Variants in ZNF121 observed in about 807,000 individuals in gnomAD.
ZNF121 encodes the protein zinc finger protein 121 (clone ZHC32).
ZNF121 carries 1 observed loss-of-function variant against 2.4 expected under a neutral mutation model. That is an observed-to-expected ratio of 0.41 (90% CI 0.15 to 1.94). The LOEUF (loss-of-function observed/expected upper bound fraction) is 1.94. ZNF121 is among the 30% of genes most tolerant of loss of function. The probability of loss-of-function intolerance (pLI) is 0.30; values close to 1 mark genes in which losing one functional copy is unlikely to be tolerated. For synonymous variants in ZNF121, 173 were observed against 158.6 expected, an observed-to-expected ratio of 1.09 and a Z score of -0.68; for missense variants, 369 against 466.3, an observed-to-expected ratio of 0.79 and a Z score of 1.92.
At position 9,565,924 on chromosome 19, in the gene ZNF121, C is replaced by T. The variant is rs756080364; in HGVS notation, c.*16G>A. 6.6e-7 allele frequency: 1 copy of T among 1,507,722 alleles called. No homozygotes were observed. The highest frequency in any genetic ancestry group is 8.9e-7 in the Non-Finnish European group (1 of 1,121,100). 93.4% of individuals were successfully genotyped at this position (1,507,722 alleles called of 1,614,324 possible). A position where few individuals can be genotyped will look rare whatever the true frequency, so the allele number is the denominator to read the frequency against. ...TCCTAAAAGATTTCCACATTCCTTA[C>T]ATTCAGAGTTTTTCTTCAGTGTGTT... is the stretch of plus-strand genomic sequence containing the variant. On this transcript the variant is annotated 3_prime_UTR_variant, in exon 4 of 4. Transcript: ENST00000320451.
intron 3 of ZNF121, 31 bp from the exon 4 acceptor site, chr19:9,567,140 G>T: frequency 1.3e-6 from 2 of 1,538,236 alleles, no homozygotes; most frequent in Non-Finnish European, 1.8e-6. Flanking sequence ...GATGATTAAA[G>T]GATTTTTCAG....
In ZNF121 at chr19:9,564,795, G is replaced by T. The variant is rs997002001; in HGVS notation, c.*1145C>A. 4 of 152,178 alleles carry T rather than the reference G, an allele frequency of 2.6e-5. No homozygotes were observed. The highest frequency in any genetic ancestry group is 4.8e-5 in the African/African-American group (2 of 41,432). 9.4% of individuals were successfully genotyped at this position (152,178 alleles called of 1,614,324 possible). A position where few individuals can be genotyped will look rare whatever the true frequency, so the allele number is the denominator to read the frequency against. ...GCGTAAAATGTTATCAAACAGCGTC[G>T]AATGCTAAAGAGAAGTTTTTCATGT... On this transcript the variant is annotated 3_prime_UTR_variant, in exon 4 of 4. Coordinates refer to ENST00000320451, the MANE Select transcript of ZNF121 (RefSeq NM_001008727.5).
chr19:9,571,827 CAACTTCA>C (rs1298377461), intron 1 of ZNF121, among the ~76,000 whole-genome samples: 3 of 152,290 alleles, frequency 2.0e-5, no homozygotes, highest in African/African-American at 7.2e-5. Flanking sequence ...TAGCTCACTA[CAACTTCA>C]AACTTCAAAC....
chr19:9,577,252 T>C (rs2074217055), intron 1 of ZNF121, among the ~76,000 whole-genome samples: 1 of 151,952 alleles, frequency 6.6e-6, no homozygotes, highest in Non-Finnish European at 1.5e-5. Context: ...GAGACCAGCC[T>C]GGCCAATATG....
At chr19:9,575,760 A>G (rs1249219089) in intron 1 of ZNF121, among the ~76,000 whole-genome samples, 1 of 150,348 alleles carries the variant, frequency 6.7e-6, no homozygotes, top group Non-Finnish European at 1.5e-5. Context: ...AAAAAAAAAG[A>G]AGGTCACTAT....
In ZNF121 at chr19:9,566,486, G is replaced by A. The variant is rs770457936; in HGVS notation, c.627C>T (p.Phe209=). The change falls in exon 4 of 4, where the codon TTC becomes TTT. Residue 209 remains phenylalanine (F), a synonymous_variant. Transcript: ENST00000320451. ...PYQCKECGRA[F]AGRSGLTKHV... ...GTTTAGTAAGGCCTGAGCGCCCAGC[G>A]AAGGCTCTTCCACATTCCTTACATT... 1.9e-5 allele frequency: 31 copies of A among 1,613,824 alleles called. No homozygotes were observed. Among genetic ancestry groups the A allele is most frequent in the African/African-American group, 5.3e-5 (4 of 74,896 alleles).
intron 1 of ZNF121, among the ~76,000 whole-genome samples, chr19:9,580,438 T>A (rs1306045328): frequency 1.3e-5 from 2 of 149,956 alleles, no homozygotes; most frequent in Non-Finnish European, 3.0e-5. Context: ...CAATGAGCCA[T>A]GATTATGCCA....
intron 1 of ZNF121, among the ~76,000 whole-genome samples, chr19:9,583,281 G>A (rs962583236): frequency 6.6e-6 from 1 of 151,110 alleles, no homozygotes; most frequent in Non-Finnish European, 1.5e-5. Flanking sequence ...CTGTGGGGGG[G>A]TACAGACCTA....
At position 9,565,988 on chromosome 19, in the gene ZNF121, T is replaced by G; in HGVS notation, c.1125A>C (p.Lys375Asn). The change falls in exon 4 of 4, where the codon AAA becomes AAC. Residue 375 changes from lysine (K) to asparagine (N), a missense_variant. By Grantham distance (94) the Lys-to-Asn change is moderately conservative (BLOSUM62 0). This residue lies in a region of ZNF121 where 127 missense variants were observed against 169.9 expected (regional missense o/e 0.75). Coordinates refer to ENST00000320451, the MANE Select transcript of ZNF121 (RefSeq NM_001008727.5). The part of the protein sequence containing the change: ...EKPYICNECG[K>N]AYNRFYLLTK... ...TAAGTAAATAAAATCTATTGTAGGCTTTCCCACATTCGTTACATATATAGG... is the reference window on the plus strand; with the variant it reads ...TAAGTAAATAAAATCTATTGTAGGCGTTCCCACATTCGTTACATATATAGG... The G allele has an allele frequency of 1.3e-6, 2 of 1,599,408 alleles. No homozygotes were observed. Among genetic ancestry groups the G allele is most frequent in the Non-Finnish European group, 1.7e-6 (2 of 1,173,546 alleles).
Position 9,563,546 on chromosome 19 carries a change from G to A in ZNF121, c.*2394C>T, listed in dbSNP as rs1299164402. On this transcript the variant is annotated 3_prime_UTR_variant, in exon 4 of 4. Coordinates refer to ENST00000320451, the MANE Select transcript of ZNF121 (RefSeq NM_001008727.5). ...GGAGATGCCATTTAGGACTTTCACA[G>A]CTCTAGGTAAGCTAATATCTGACTT... The A allele has an allele frequency of 6.6e-6, 1 of 152,216 alleles. No individual in the cohort carries two copies. Among genetic ancestry groups the A allele is most frequent in the Non-Finnish European group, 1.5e-5 (1 of 68,050 alleles). 9.4% of individuals were successfully genotyped at this position (152,216 alleles called of 1,614,324 possible). A position where few individuals can be genotyped will look rare whatever the true frequency, so the allele number is the denominator to read the frequency against.
rs1183741988 is a variant in ZNF121, at chr19:9,565,967, T to C, written c.1146A>G (p.Leu382=). 1 of 1,573,376 alleles carries C rather than the reference T, an allele frequency of 6.4e-7. No individual in the cohort carries two copies. Among genetic ancestry groups the C allele is most frequent in the African/African-American group, 1.4e-5 (1 of 73,154 alleles). The change falls in exon 4 of 4, where the codon TTA becomes TTG. Residue 382 remains leucine (L), a synonymous_variant. Transcript: ENST00000320451. ...AGTGTGTTTTTAAATGTTTAGTAAG[T>C]AAATAAAATCTATTGTAGGCTTTCC... ...ECGKAYNRFY[L]LTKHLKTH
chr19:9,584,096 C>A (rs1456482313), intron 1 of ZNF121: 1 of 152,220 alleles, frequency 6.6e-6, no homozygotes. Flanking sequence ...GCCGGAAACG[C>A]CAGGTTCCTG....
At chr19:9,575,194 C>T (rs913324037) in intron 1 of ZNF121, among the ~76,000 whole-genome samples, 26 of 152,042 alleles carry the variant, frequency 1.7e-4, no homozygotes, top group African/African-American at 5.6e-4. Flanking sequence ...CTGAGGTGGG[C>T]GGATCACCTG....
Position 9,568,158 on chromosome 19 carries a change from T to C in ZNF121, c.-61A>G. 1.3e-6 allele frequency: 2 copies of C among 1,485,712 alleles called. No individual in the cohort carries two copies. The highest frequency in any genetic ancestry group is 9.1e-7 in the Non-Finnish European group (1 of 1,101,698). 92.0% of individuals were successfully genotyped at this position (1,485,712 alleles called of 1,614,324 possible). ...AAATGTTGTTGAGGTGCTGACACTTTGGTTTTAACTTGCCATTCTGAAGTA... is the reference window on the plus strand; with the variant it reads ...AAATGTTGTTGAGGTGCTGACACTTCGGTTTTAACTTGCCATTCTGAAGTA... On this transcript the variant is annotated 5_prime_UTR_variant, in exon 3 of 4. Transcript: ENST00000320451.
rs1202469318 is a variant in ZNF121 at position 9,566,927 on chromosome 19, A to G, written c.186T>C (p.Ser62=). 6.2e-7 allele frequency: 1 copy of G among 1,614,100 alleles called. No homozygotes were observed. Among genetic ancestry groups the G allele is most frequent in the African/African-American group, 1.3e-5 (1 of 74,940 alleles). ...HNSAPAGETL[S]VLNQCRKAFS... is the part of the protein sequence containing the mutation. ...AGGCTTTTCTGCACTGATTCAACACAGAAAGTGTCTCTCCAGCAGGGGCAC... is the reference window on the plus strand; with the variant it reads ...AGGCTTTTCTGCACTGATTCAACACGGAAAGTGTCTCTCCAGCAGGGGCAC... Residue 62 remains serine (S), a synonymous_variant, in exon 4 of 4, where the codon TCT becomes TCC. Transcript: ENST00000320451.
In ZNF121 at chr19:9,566,645, A is replaced by T. The variant is rs763820948; in HGVS notation, c.468T>A (p.Ser156=). Residue 156 remains serine (S), a synonymous_variant, in exon 4 of 4, where the codon TCT becomes TCA. Coordinates refer to ENST00000320451, the MANE Select transcript of ZNF121 (RefSeq NM_001008727.5). The part of the protein sequence containing the change: ...CKECGKFFRY[S]SYLNSHMRTH... Reference sequence around the variant, plus strand: ...TTCGCATGTGACTATTAAGATATGAAGAATATCTAAAGAATTTTCCACATT... The same window carrying T: ...TTCGCATGTGACTATTAAGATATGATGAATATCTAAAGAATTTTCCACATT... 6.2e-7 allele frequency: 1 copy of T among 1,614,064 alleles called. No homozygotes were observed. Among genetic ancestry groups the T allele is most frequent in the African/African-American group, 1.3e-5 (1 of 74,950 alleles).
intron 1 of ZNF121, among the ~76,000 whole-genome samples, chr19:9,582,543 GACTC>G (rs979409444): frequency 6.6e-6 from 1 of 152,036 alleles, no homozygotes; most frequent in Admixed American, 6.6e-5. Context: ...TCCCTTTGCT[GACTC>G]CTTTTCTGAA....
chr19:9,582,456 C>T (rs1458831085), intron 1 of ZNF121, among the ~76,000 whole-genome samples: 1 of 152,164 alleles, frequency 6.6e-6, no homozygotes, highest in Non-Finnish European at 1.5e-5. Flanking sequence ...CCCGCCCCTG[C>T]CCGCAAGAGA....
chr19:9,568,414 C>G (rs1185409115), intron 2 of ZNF121, among the ~76,000 whole-genome samples: 2 of 151,634 alleles, frequency 1.3e-5, no homozygotes. Flanking sequence ...GTCACCCAGA[C>G]TGGAGTGCTG....
Sources: gnomAD v4.1 joint callset for allele counts (sites outside exome capture counted in the v4.1 genomes callset) on GRCh38, gnomAD v4.1.1 for gene constraint, gnomAD v4.1.1 regional missense constraint, MANE v1.5 for transcripts, NCBI Gene and HGNC (gene_info 2026-07-23, HGNC 2026-07-21) for gene names.